Variants in LRRC4C observed in about 807,000 individuals in gnomAD.
The protein encoded by LRRC4C is leucine rich repeat containing 4C, also known as leucine-rich repeat-containing protein 4C.
LRRC4C carries 5 observed loss-of-function variants against 33.6 expected under a neutral mutation model. That is an observed-to-expected ratio of 0.15 (90% confidence interval 0.08 to 0.31). The LOEUF is 0.31. LRRC4C is among the 10% of genes least tolerant of loss of function. LRRC4C has a pLI of 1.00. For missense variants in LRRC4C, 560 were observed against 796.7 expected (o/e 0.70, Z 3.58); for synonymous variants, 329 against 302.0 (o/e 1.09, Z -0.93).
At chr11:41,246,631 G>C (rs1948463429) in intron 1 of LRRC4C, among the ~76,000 whole-genome samples, 1 of 152,222 alleles carries the variant, frequency 6.6e-6, no homozygotes, top group Non-Finnish European at 1.5e-5. Flanking sequence ...CCAGTGTCAT[G>C]GCAGTGGCCA....
intron 2 of LRRC4C, among the ~76,000 whole-genome samples, chr11:40,741,010 T>A (rs952116574): frequency 7.2e-5 from 11 of 152,190 alleles, no homozygotes; most frequent in Admixed American, 6.5e-5. Context: ...TACCATATTT[T>A]TTATTATTAT....
chr11:41,333,408 G>A (rs1263146452), intron 1 of LRRC4C, among the ~76,000 whole-genome samples: 2 of 152,110 alleles, frequency 1.3e-5, no homozygotes, highest in African/African-American at 4.8e-5. Context: ...AACATGTACA[G>A]TTAGCTTTAC....
intron 3 of LRRC4C, among the ~76,000 whole-genome samples, chr11:40,362,427 C>T (rs567342059): frequency 6.6e-6 from 1 of 151,764 alleles, no homozygotes; most frequent in East Asian, 1.9e-4. Context: ...GAAAAAAAAA[C>T]ATTAAATAAT....
At chr11:40,844,401 G>A (rs1953061641) in intron 2 of LRRC4C, among the ~76,000 whole-genome samples, 1 of 152,158 alleles carries the variant, frequency 6.6e-6, no homozygotes, top group South Asian at 2.1e-4. Context: ...AAGTCAAAAT[G>A]AAATTATCTG....
chr11:40,963,995 T>A (rs1851150445), intron 1 of LRRC4C, among the ~76,000 whole-genome samples: 1 of 151,704 alleles, frequency 6.6e-6, no homozygotes, highest in Non-Finnish European at 1.5e-5. Context: ...GTAGGTGGTC[T>A]TGGATCATTA....
At chr11:40,281,012 G>A (rs1943436050) in intron 4 of LRRC4C, among the ~76,000 whole-genome samples, 2 of 152,180 alleles carry the variant, frequency 1.3e-5, no homozygotes, top group Non-Finnish European at 2.9e-5. Flanking sequence ...ACAGAGGGAG[G>A]AGAAAAGGGA....
chr11:40,532,554 GAGA>G (rs1237945548), intron 3 of LRRC4C, among the ~76,000 whole-genome samples: 1 of 151,996 alleles, frequency 6.6e-6, no homozygotes, highest in African/African-American at 2.4e-5. Context: ...TGTGGGAAAT[GAGA>G]AGGAGGACCA....
chr11:41,365,345 C>A (rs1952497709), intron 1 of LRRC4C, among the ~76,000 whole-genome samples: 1 of 151,788 alleles, frequency 6.6e-6, no homozygotes, highest in Admixed American at 6.6e-5. Context: ...AATCTCAGGG[C>A]TCCCACTAAT....
chr11:40,687,499 G>A (rs777689021), intron 2 of LRRC4C, among the ~76,000 whole-genome samples: 12 of 151,898 alleles, frequency 7.9e-5, no homozygotes, highest in Admixed American at 1.3e-4. Flanking sequence ...GATATTCAGC[G>A]CAGTAATAAG....
intron 1 of LRRC4C, among the ~76,000 whole-genome samples, chr11:41,102,205 G>A (rs1246617586): frequency 1.3e-5 from 2 of 152,020 alleles, no homozygotes; most frequent in East Asian, 1.9e-4. Context: ...GAAACTTAAC[G>A]TTATCGTCAT....
chr11:40,939,020 G>A lies in LRRC4C; in HGVS notation c.-495-5297C>T, dbSNP rs1302173339. Among the ~76,000 whole-genome samples the A allele has an allele frequency of 2.0e-5, 3 of 152,032 alleles. No homozygotes were observed. The East Asian group carries it at 5.8e-4, about 29-fold the overall frequency. On this transcript the variant is annotated intron_variant, in intron 1 of 6. Transcript: ENST00000528697. ...TATAATTATAAAATGTTATAGAAAT[G>A]TTTATGATATAATAGTGAATGGAAA... is the stretch of plus-strand genomic sequence containing the variant.
At chr11:41,249,591 G>C (rs1198443560) in intron 1 of LRRC4C, among the ~76,000 whole-genome samples, 1 of 151,964 alleles carries the variant, frequency 6.6e-6, no homozygotes, top group Non-Finnish European at 1.5e-5. Flanking sequence ...TACACATCAG[G>C]TTCACACCAA....
intron 4 of LRRC4C, among the ~76,000 whole-genome samples, chr11:40,288,105 G>T (rs1445644201): frequency 1.3e-5 from 2 of 152,132 alleles, no homozygotes; most frequent in Admixed American, 6.6e-5. Flanking sequence ...CCATGCAGTT[G>T]TTATTACCTC....
chr11:40,141,022 C>T (rs1857327070), intron 5 of LRRC4C, among the ~76,000 whole-genome samples, 169 bp from the exon 6 acceptor site: 1 of 152,160 alleles, frequency 6.6e-6, no homozygotes, highest in Admixed American at 6.5e-5. Flanking sequence ...GCCAAAGCAA[C>T]TCTCTTAACT....
In LRRC4C at chr11:40,906,689, CCT is replaced by C. The variant is rs370871101; in HGVS notation, c.-407+26944_-407+26945del. Among the ~76,000 whole-genome samples, 893 of 148,750 alleles carry C rather than the reference CCT, an allele frequency of 6.0e-3. 3 individuals carry two copies. The highest frequency in any genetic ancestry group is 6.5e-3 in the Non-Finnish European group (437 of 66,788). On this transcript the variant is annotated intron_variant, in intron 2 of 6. Transcript: ENST00000528697. ...CCTCCAATATGTCTGAGTATGTTTC[CCT>C]CTCTCTCTCTCTCTCTCTGTGTGTG...
intron 3 of LRRC4C, among the ~76,000 whole-genome samples, chr11:40,552,766 C>T (rs1258085537): frequency 6.6e-6 from 1 of 152,150 alleles, no homozygotes; most frequent in African/African-American, 2.4e-5. Context: ...AATGTGAAAA[C>T]AGCAGCTTAG....
intron 1 of LRRC4C, among the ~76,000 whole-genome samples, chr11:41,363,500 C>T (rs1331470151): frequency 6.6e-6 from 1 of 152,090 alleles, no homozygotes; most frequent in Non-Finnish European, 1.5e-5. Flanking sequence ...ATCAATTTAC[C>T]TTCTCAGGAC....
intron 1 of LRRC4C, among the ~76,000 whole-genome samples, chr11:41,296,383 C>T (rs530346123): frequency 1.3e-5 from 2 of 151,410 alleles, no homozygotes; most frequent in South Asian, 2.1e-4. Flanking sequence ...GGTGTGATCT[C>T]GGCTCAGTGC....
At chr11:40,176,061 A>G (rs1280125587) in intron 5 of LRRC4C, among the ~76,000 whole-genome samples, 1 of 152,100 alleles carries the variant, frequency 6.6e-6, no homozygotes, top group African/African-American at 2.4e-5. Context: ...AGCAATATAA[A>G]TATATTATTT....
Sources: gnomAD v4.1 joint callset for allele counts (sites outside exome capture counted in the v4.1 genomes callset) on GRCh38, gnomAD v4.1.1 for gene constraint, MANE v1.5 for transcripts, NCBI Gene and HGNC (gene_info 2026-07-23, HGNC 2026-07-21) for gene names.